Variants in POLA1 observed in about 807,000 individuals in gnomAD.
POLA1 encodes the protein DNA polymerase alpha 1, catalytic subunit.
Under a neutral mutation model 124.0 loss-of-function variants are expected in POLA1, and 15 were observed. That is an observed-to-expected ratio of 0.12 (90% CI 0.08 to 0.19). The LOEUF (loss-of-function observed/expected upper bound fraction) is 0.19. POLA1 is among the 10% of genes least tolerant of loss of function. POLA1 has a pLI of 1.00. For synonymous variants in POLA1, 408 were observed against 389.4 expected (o/e 1.05, Z -0.56); for missense variants, 886 against 1,103.4 (o/e 0.80, Z 2.79).
At chrX:24,921,038 G>C (rs770018020) in intron 35 of POLA1, among the ~76,000 whole-genome samples, 1 of 111,577 alleles carries the variant, frequency 9.0e-6, no homozygotes, top group Non-Finnish European at 1.9e-5. Flanking sequence ...ACAAACCATA[G>C]CTACCCCATT....
At chrX:24,887,923 T>G in intron 34 of POLA1, 83 bp from the exon 35 acceptor site, 1 of 563,493 alleles carries the variant, frequency 1.8e-6, no homozygotes, top group Non-Finnish European at 3.1e-6. Flanking sequence ...TTAAATAAAA[T>G]GAGTCTATCT....
At chrX:24,856,409 G>A (rs757699779) in intron 34 of POLA1, among the ~76,000 whole-genome samples, 2 of 112,038 alleles carry the variant, frequency 1.8e-5, no homozygotes, top group African/African-American at 3.2e-5. Flanking sequence ...AGGATGTTTG[G>A]ATTGTTTCCA....
intron 35 of POLA1, among the ~76,000 whole-genome samples, chrX:24,916,792 T>A (rs1335229999): frequency 8.9e-6 from 1 of 112,300 alleles, no homozygotes; most frequent in East Asian, 2.8e-4. Flanking sequence ...GTGAAAGTAG[T>A]TGAGAGAGAA....
At chrX:24,870,104 C>T (rs2046845213) in intron 34 of POLA1, among the ~76,000 whole-genome samples, 1 of 112,021 alleles carries the variant, frequency 8.9e-6, no homozygotes, top group Non-Finnish European at 1.9e-5. Flanking sequence ...GATGAATCCT[C>T]TCTGCTTAGG....
chrX:24,840,962 A>T (rs1474526257), intron 32 of POLA1, among the ~76,000 whole-genome samples: 2 of 112,640 alleles, frequency 1.8e-5, no homozygotes, highest in Admixed American at 1.9e-4. Context: ...TAGCATAAAC[A>T]TGCATTGATT....
chrX:24,914,451 A>G (rs1446828617), intron 35 of POLA1, among the ~76,000 whole-genome samples: 2 of 110,093 alleles, frequency 1.8e-5, no homozygotes, highest in Non-Finnish European at 3.8e-5. Context: ...GTATCCAACT[A>G]TGACAAAGGA....
chrX:24,882,719 G>GTGTA (rs1392519588), intron 34 of POLA1, among the ~76,000 whole-genome samples: 3 of 109,075 alleles, frequency 2.8e-5, no homozygotes, highest in Non-Finnish European at 5.7e-5. Flanking sequence ...GTGTGTGTGT[G>GTGTA]TGTGTGTGTA....
intron 30 of POLA1, among the ~76,000 whole-genome samples, chrX:24,818,198 A>T (rs1432919448): frequency 9.6e-6 from 1 of 103,788 alleles, no homozygotes; most frequent in African/African-American, 3.5e-5. Flanking sequence ...ACCAGGAAGC[A>T]TTTTTTTTTT....
At position 24,986,497 on chromosome X, in the gene POLA1, C is replaced by T. The variant is rs769301388; in HGVS notation, c.4262-9308C>T. The stretch of plus-strand genomic sequence containing the variant: ...ATATATATATATATAGTCAGGTGAC[C>T]GGTAGCTCACACCTGTAATCTCAGC... On this transcript the variant is annotated intron_variant, in intron 36 of 36. Coordinates refer to ENST00000379068, the MANE Select transcript of POLA1 (RefSeq NM_001330360.2). Among the ~76,000 whole-genome samples, 4 of 108,082 alleles carry T rather than the reference C, an allele frequency of 3.7e-5. No individual in the cohort carries two copies. The East Asian group carries it at 8.8e-4, about 24-fold the overall frequency. 93.9% of individuals were successfully genotyped at this position (108,082 alleles called of 115,157 possible).
chrX:24,986,326 T>C (rs779905935), intron 36 of POLA1, among the ~76,000 whole-genome samples: 1 of 111,427 alleles, frequency 9.0e-6, no homozygotes, highest in South Asian at 3.8e-4. Flanking sequence ...CTTTGGTTGG[T>C]AAGAAGAGTT....
chrX:24,982,976 G>A (rs925725146), intron 36 of POLA1, among the ~76,000 whole-genome samples: 2 of 112,152 alleles, frequency 1.8e-5, no homozygotes. Flanking sequence ...GCTATAATCT[G>A]TGCTCAAAAT....
At chrX:24,868,180 C>T (rs2046819679) in intron 34 of POLA1, among the ~76,000 whole-genome samples, 1 of 111,900 alleles carries the variant, frequency 8.9e-6, no homozygotes, top group Non-Finnish European at 1.9e-5. Flanking sequence ...TTGCTAAATT[C>T]ATAAGTGAAA....
intron 26 of POLA1, among the ~76,000 whole-genome samples, chrX:24,752,613 A>G (rs150179995): frequency 8.3e-4 from 93 of 112,179 alleles, no homozygotes; most frequent in African/African-American, 2.8e-3. Context: ...CTAGATGGCG[A>G]TAGACACCCT....
intron 36 of POLA1, among the ~76,000 whole-genome samples, chrX:24,968,990 C>T (rs942818596): frequency 9.0e-6 from 1 of 111,131 alleles, no homozygotes; most frequent in Non-Finnish European, 1.9e-5. Flanking sequence ...GGGCATATCA[C>T]GAGGTCAGGA....
intron 9 of POLA1, 41 bp downstream of exon 9, chrX:24,717,532 A>G (rs753835791): frequency 7.5e-6 from 9 of 1,201,463 alleles, no homozygotes; most frequent in Middle Eastern, 2.3e-4. Flanking sequence ...TAGGACCACA[A>G]TTTTTCTGTT....
intron 34 of POLA1, among the ~76,000 whole-genome samples, chrX:24,880,518 A>G (rs144021411): frequency 3.9e-4 from 44 of 112,203 alleles, no homozygotes; most frequent in African/African-American, 1.3e-3. Context: ...ACATGCCAGC[A>G]TGCTGCAGTG....
intron 36 of POLA1, among the ~76,000 whole-genome samples, chrX:24,953,861 G>C (rs1006630193): frequency 8.9e-6 from 1 of 112,009 alleles, no homozygotes; most frequent in African/African-American, 3.2e-5. Context: ...ATTCTGAAGA[G>C]CATCACAACT....
chrX:24,961,255 G>T (rs771840386), intron 36 of POLA1, among the ~76,000 whole-genome samples: 43 of 111,487 alleles, frequency 3.9e-4, no homozygotes, highest in African/African-American at 1.4e-3. Flanking sequence ...CTTGGATGGC[G>T]TCCCTTTGGT....
At chrX:24,955,318 C>T (rs2048094604) in intron 36 of POLA1, among the ~76,000 whole-genome samples, 1 of 108,635 alleles carries the variant, frequency 9.2e-6, no homozygotes, top group Admixed American at 9.9e-5. Flanking sequence ...TGTGTACTGC[C>T]ACCCGCCCAC....
Sources: allele counts gnomAD v4.1 joint callset (sites outside exome capture counted in the v4.1 genomes callset), GRCh38; gene constraint gnomAD v4.1.1; transcripts MANE v1.5; gene names NCBI Gene and HGNC (gene_info 2026-07-23, HGNC 2026-07-21).